LEPR: variants seen among roughly 807,000 people sequenced by gnomAD.
The protein encoded by LEPR is OB receptor.
LEPR carries 56 observed loss-of-function variants against 114.7 expected under a neutral mutation model. The ratio of observed to expected loss-of-function variants is 0.49; its 90% CI spans 0.39 to 0.61. The LOEUF (loss-of-function observed/expected upper bound fraction) is 0.61. Ranked by LOEUF, LEPR falls within the 20% of genes least tolerant of loss-of-function variation. The pLI is 0.00. For missense variants in LEPR, 1,202 were observed against 1,352.9 expected (o/e 0.89, Z 1.75); for synonymous variants, 443 against 461.4 (o/e 0.96, Z 0.51).
At chr1:65,516,291 C>T (rs746446013) in intron 2 of LEPR, among the ~76,000 whole-genome samples, 11 of 151,816 alleles carry the variant, frequency 7.2e-5, no homozygotes, top group Middle Eastern at 3.2e-3. Flanking sequence ...AAAAATTAGC[C>T]GGATTAGCCC....
chr1:65,459,783 A>G (rs1646921692), intron 2 of LEPR, among the ~76,000 whole-genome samples: 1 of 152,164 alleles, frequency 6.6e-6, no homozygotes, highest in Non-Finnish European at 1.5e-5. Flanking sequence ...CTTCAACATT[A>G]TTGGAGGTCC....
intron 2 of LEPR, among the ~76,000 whole-genome samples, chr1:65,564,174 ATC>A (rs1464977053): frequency 6.7e-6 from 1 of 149,720 alleles, no homozygotes; most frequent in Non-Finnish European, 1.5e-5. Context: ...TTGCAGTTTG[ATC>A]TCAGACTGCT....
intron 2 of LEPR, among the ~76,000 whole-genome samples, chr1:65,496,088 A>T (rs1648139996): frequency 6.6e-6 from 1 of 152,186 alleles, no homozygotes; most frequent in Non-Finnish European, 1.5e-5. Flanking sequence ...GATAAATGAG[A>T]TGATGGATAT....
intron 5 of LEPR, among the ~76,000 whole-genome samples, chr1:65,585,446 C>A (rs1003269786): frequency 1.3e-5 from 2 of 151,968 alleles, no homozygotes; most frequent in African/African-American, 2.4e-5. Flanking sequence ...AATGTGCTTT[C>A]TTTCTAAACC....
intron 2 of LEPR, among the ~76,000 whole-genome samples, chr1:65,475,908 C>T (rs969083986): frequency 6.6e-6 from 1 of 151,424 alleles, no homozygotes; most frequent in Non-Finnish European, 1.5e-5. Flanking sequence ...CCCTGCTGCT[C>T]GGGAGGCTTG....
chr1:65,528,524 C>G (rs1650135110), intron 2 of LEPR, among the ~76,000 whole-genome samples: 2 of 151,894 alleles, frequency 1.3e-5, no homozygotes, highest in African/African-American at 2.4e-5. Context: ...CTGTTATCAT[C>G]ACACATAATC....
chr1:65,625,995 G>T lies in LEPR; in HGVS notation c.2673+3014G>T, dbSNP rs1658185569. Reference sequence around the variant, plus strand: ...GAAACACTCTCTCTTCAGCATTTAAGCTCTGAAATCTTACCTATGGACCAC... The same window carrying T: ...GAAACACTCTCTCTTCAGCATTTAATCTCTGAAATCTTACCTATGGACCAC... On this transcript the variant is annotated intron_variant, in intron 19 of 19. Coordinates refer to ENST00000349533, the MANE Select transcript of LEPR (RefSeq NM_002303.6). 6 of 765,362 alleles carry T rather than the reference G, an allele frequency of 7.8e-6. No individual in the cohort carries two copies. The South Asian group carries it at 8.5e-5, about 11-fold the overall frequency. 47.4% of individuals were successfully genotyped at this position (765,362 alleles called of 1,614,324 possible).
At chr1:65,421,288 T>C in intron 1 of LEPR, 1 of 1,497,844 alleles carries the variant, frequency 6.7e-7, no homozygotes, top group Non-Finnish European at 8.9e-7. Context: ...CGTGTAATTT[T>C]AATACTGCTT....
chr1:65,429,378 G>A (rs1292846806), intron 2 of LEPR, among the ~76,000 whole-genome samples: 4 of 152,140 alleles, frequency 2.6e-5, no homozygotes, highest in African/African-American at 9.7e-5. Context: ...AGGGAAAAGA[G>A]TACAAAATGA....
At chr1:65,572,300 T>TTTG in intron 4 of LEPR, 26 bp from the exon 5 acceptor site, 1 of 1,381,266 alleles carries the variant, frequency 7.2e-7, no homozygotes, top group Non-Finnish European at 9.4e-7. Flanking sequence ...GTTTTTTTTT[T>TTTG]TTTTTTTTTT....
intron 2 of LEPR, among the ~76,000 whole-genome samples, chr1:65,426,360 A>C (rs1472862145): frequency 6.6e-6 from 1 of 152,152 alleles, no homozygotes; most frequent in Non-Finnish European, 1.5e-5. Flanking sequence ...AGGGCTCTAT[A>C]TGCCTGCCGT....
chr1:65,555,023 C>T (rs1175434083), intron 2 of LEPR, among the ~76,000 whole-genome samples: 2 of 152,118 alleles, frequency 1.3e-5, no homozygotes, highest in East Asian at 3.9e-4. Flanking sequence ...TGCTTCAGCT[C>T]ACCCTCCGTG....
At chr1:65,551,029 T>G (rs893289674) in intron 2 of LEPR, among the ~76,000 whole-genome samples, 1 of 152,036 alleles carries the variant, frequency 6.6e-6, no homozygotes, top group African/African-American at 2.4e-5. Flanking sequence ...TATTGATTTG[T>G]GTATGTTGAA....
chr1:65,484,963 A>G (rs1336317225), intron 2 of LEPR, among the ~76,000 whole-genome samples: 5 of 152,218 alleles, frequency 3.3e-5, no homozygotes, highest in East Asian at 1.9e-4. Flanking sequence ...GAAAGGAACT[A>G]TCTTTCAGAC....
At chr1:65,445,541 T>C (rs1646703118) in intron 2 of LEPR, among the ~76,000 whole-genome samples, 2 of 152,194 alleles carry the variant, frequency 1.3e-5, no homozygotes, top group Admixed American at 1.3e-4. Context: ...CTTTATAACG[T>C]GAAGATAATG....
intron 2 of LEPR, among the ~76,000 whole-genome samples, chr1:65,547,694 C>T (rs1332980620): frequency 6.7e-6 from 1 of 150,296 alleles, no homozygotes; most frequent in Non-Finnish European, 1.5e-5. Context: ...TGATTCTTCT[C>T]TCTTTTTTTC....
At chr1:65,486,527 A>G (rs1457505135) in intron 2 of LEPR, 2 of 152,212 alleles carry the variant, frequency 1.3e-5, no homozygotes, top group Non-Finnish European at 2.9e-5. Context: ...GATTGAGTGA[A>G]TAAATCCTGA....
chr1:65,634,291 A>G (rs2101043460), intron 19 of LEPR: 3 of 983,086 alleles, frequency 3.1e-6, no homozygotes, highest in Non-Finnish European at 3.6e-6. Context: ...AAAGAACTCT[A>G]CAAAAACGGG....
chr1:65,592,752 T>C lies in LEPR; in HGVS notation c.590T>C (p.Leu197Pro), dbSNP rs763097904. The C allele has an allele frequency of 2.5e-6, 4 of 1,613,422 alleles. No homozygotes were observed. In the Admixed American group the frequency reaches 6.7e-5, roughly 27 times the overall value. Residue 197 changes from leucine (L) to proline (P), a missense_variant, in exon 6 of 20, where the codon CTT (leucine) becomes CCT (proline). Coordinates refer to ENST00000349533, the MANE Select transcript of LEPR (RefSeq NM_002303.6). ...AGTGTTCATGAATGTTGTGAATGTC[T>C]TGTGCCTGTGCCAACAGCCAAACTC... ...NCSVHECCEC[L>P]VPVPTAKLND...
Sources: gnomAD v4.1 joint callset for allele counts (sites outside exome capture counted in the v4.1 genomes callset) on GRCh38, gnomAD v4.1.1 for gene constraint, MANE v1.5 for transcripts, NCBI Gene and HGNC (gene_info 2026-07-23, HGNC 2026-07-21) for gene names.